The following ASRGL1 variants were observed in gnomAD, a reference collection of about 807,000 sequenced individuals.
The protein encoded by ASRGL1 is isoaspartyl peptidase/L-asparaginase.
Under a neutral mutation model 22.4 loss-of-function variants are expected in ASRGL1, and 16 were observed. The observed-to-expected ratio is 0.71, with a 90% CI of 0.48 to 1.08. The LOEUF is 1.08. Ranked by LOEUF, ASRGL1 falls within the 50% of genes least tolerant of loss-of-function variation. The pLI, the probability that ASRGL1 is intolerant of heterozygous loss-of-function variation, is 0.00. For missense variants in ASRGL1, 412 were observed against 410.1 expected (o/e 1.00, Z -0.04); for synonymous variants, 165 against 159.3 (o/e 1.04, Z -0.27).
intron 2 of ASRGL1, among the ~76,000 whole-genome samples, chr11:62,355,733 A>G (rs974569131): frequency 6.6e-6 from 1 of 151,900 alleles, no homozygotes; most frequent in African/African-American, 2.4e-5. Context: ...CAAGTGAACA[A>G]AGGTCTCTGG....
chr11:62,349,221 C>T (rs1292856065), intron 2 of ASRGL1, among the ~76,000 whole-genome samples: 1 of 152,216 alleles, frequency 6.6e-6, no homozygotes, highest in Non-Finnish European at 1.5e-5. Context: ...CTCACCTCAG[C>T]CTCCCAGAGT....
rs185863396 is a variant in ASRGL1 at position 62,343,103 on chromosome 11, C to G, written c.190+4936C>G. On this transcript the variant is annotated intron_variant, in intron 2 of 6. Transcript: ENST00000415229. ...ACTTCAGTAGAAACTACTGGCCGGG[C>G]GCGGTGGCTCACTCCTATAATCCCA... is the stretch of plus-strand genomic sequence containing the variant. 3.1e-3 allele frequency among the ~76,000 whole-genome samples: 468 copies of G among 152,092 alleles called. 2 individuals carry two copies. Among genetic ancestry groups the G allele is most frequent in the African/African-American group, 0.01 (433 of 41,502 alleles).
At position 62,389,136 on chromosome 11, in the gene ASRGL1, C is replaced by T. The variant is rs3741244; in HGVS notation, c.495C>T (p.Asn165=). ...TTTTTCTGTTTATTTTTGGCAGAAA[C>T]TTGGGAACCGTGGGTGCTGTTGCCT... is the stretch of plus-strand genomic sequence containing the variant. The part of the protein sequence containing the change: ...KGAQKTDCQK[N]LGTVGAVALD... Residue 165 remains asparagine, a synonymous_variant, in exon 5 of 7, where the codon AAC becomes AAT. Transcript: ENST00000415229. The T allele has an allele frequency of 5.6e-3, 8,944 of 1,607,136 alleles. 517 individuals are homozygous for T. In the East Asian group the frequency reaches 0.14, roughly 25 times the overall value.
rs1204514353 is a variant in ASRGL1 at position 62,371,356 on chromosome 11, G to T, written c.491+14212G>T. ...GGGCAAGCGCGCGGCGCAGCCTGTG[G>T]CAGCAGGCAAGGTGGGCGGTGCGGC... On this transcript the variant is annotated intron_variant, in intron 4 of 6. Coordinates refer to ENST00000415229, the MANE Select transcript of ASRGL1 (RefSeq NM_001083926.2). 3.3e-5 allele frequency: 30 copies of T among 907,492 alleles called. No individual in the cohort carries two copies. In the Admixed American group the frequency reaches 9.5e-4, roughly 29 times the overall value. 56.2% of individuals were successfully genotyped at this position (907,492 alleles called of 1,614,324 possible). A position where few individuals can be genotyped will look rare whatever the true frequency, so the allele number is the denominator to read the frequency against.
chr11:62,358,757 A>G (rs562137268), intron 4 of ASRGL1, among the ~76,000 whole-genome samples: 294 of 152,292 alleles, frequency 1.9e-3, no homozygotes, highest in Middle Eastern at 0.01. Flanking sequence ...GGAAATCTCC[A>G]CATCCGTTGC....
chr11:62,396,772 ATT>A (rs11351188), downstream of ASRGL1, among the ~76,000 whole-genome samples: 514 of 149,674 alleles, frequency 3.4e-3, 4 homozygotes, highest in East Asian at 0.011. Context: ...GCCTGGGGTG[ATT>A]TTTTTTTTTT....
intron 4 of ASRGL1, among the ~76,000 whole-genome samples, chr11:62,369,773 G>A (rs12279819): frequency 0.1 from 15,725 of 152,018 alleles, 883 homozygotes; most frequent in Non-Finnish European, 0.12. Flanking sequence ...TGTGGGTGGC[G>A]TCTAACCATG....
downstream of ASRGL1, among the ~76,000 whole-genome samples, chr11:62,394,611 G>A (rs560801149): frequency 3.3e-5 from 5 of 152,100 alleles, no homozygotes; most frequent in South Asian, 1.0e-3. Flanking sequence ...GAAGGAGGGA[G>A]CTGGGGGATA....
chr11:62,361,773 A>G (rs991633113), intron 4 of ASRGL1, among the ~76,000 whole-genome samples: 5 of 152,108 alleles, frequency 3.3e-5, no homozygotes, highest in African/African-American at 9.7e-5. Flanking sequence ...GGCGTGAGCC[A>G]CTGTGCCCAG....
intron 4 of ASRGL1, 147 bp downstream of exon 4, chr11:62,357,291 C>T (rs965135085): frequency 2.6e-5 from 25 of 963,862 alleles, no homozygotes; most frequent in Non-Finnish European, 2.9e-5. Flanking sequence ...TCTCTGTTGC[C>T]CAGACTGGAG....
intron 4 of ASRGL1, among the ~76,000 whole-genome samples, chr11:62,365,573 G>A (rs1485915132): frequency 3.3e-5 from 5 of 151,918 alleles, no homozygotes; most frequent in Non-Finnish European, 7.4e-5. Context: ...AAAAAGGCTG[G>A]GTGCGGTGGC....
At chr11:62,338,250 G>T in intron 2 of ASRGL1, 83 bp downstream of exon 2, 1 of 1,315,250 alleles carries the variant, frequency 7.6e-7, no homozygotes, top group Non-Finnish European at 1.0e-6. Flanking sequence ...ATAGTGTTAG[G>T]GAATCTAATG....
chr11:62,358,080 T>A (rs1432481280), intron 4 of ASRGL1, among the ~76,000 whole-genome samples: 1 of 152,168 alleles, frequency 6.6e-6, no homozygotes, highest in Admixed American at 6.5e-5. Context: ...TTTAAAAGAT[T>A]GGCCTTGGCC....
rs763830407 is a variant in ASRGL1, at chr11:62,389,180, T to A, written c.539T>A (p.Val180Glu). ...GTTGCCTTGGACTGCAAAGGGAATG[T>A]AGCCTACGCAACCTCCACAGGCGGT... Reference protein sequence around the residue: ...GAVALDCKGNVAYATSTGGIV... With the variant: ...GAVALDCKGNEAYATSTGGIV... The change falls in exon 5 of 7, where the codon GTA (valine) becomes GAA (glutamate). Residue 180 changes from valine to glutamate, a missense_variant. By Grantham distance (121) the Val-to-Glu change is moderately radical. Coordinates refer to ENST00000415229, the MANE Select transcript of ASRGL1 (RefSeq NM_001083926.2). 6.2e-7 allele frequency: 1 copy of A among 1,614,180 alleles called. No individual in the cohort carries two copies. Among genetic ancestry groups the A allele is most frequent in the South Asian group, 1.1e-5 (1 of 91,082 alleles).
At chr11:62,375,755 G>GCC in intron 4 of ASRGL1, among the ~76,000 whole-genome samples, 1 of 151,768 alleles carries the variant, frequency 6.6e-6, no homozygotes, top group South Asian at 2.1e-4. Context: ...AGGCCCAGTG[G>GCC]TATAATTAGC....
chr11:62,389,179 G>A lies in ASRGL1; in HGVS notation c.538G>A (p.Val180Ile), dbSNP rs1194185457. The A allele has an allele frequency of 6.2e-7, 1 of 1,614,174 alleles. No homozygotes were observed. The highest frequency in any genetic ancestry group is 1.7e-5 in the Admixed American group (1 of 60,014). The part of the protein sequence containing the change: ...GAVALDCKGN[V>I]AYATSTGGIV... ...TGTTGCCTTGGACTGCAAAGGGAAT[G>A]TAGCCTACGCAACCTCCACAGGCGG... The change falls in exon 5 of 7, where the codon GTA (valine) becomes ATA (isoleucine). Residue 180 changes from valine to isoleucine, a missense_variant. Physicochemically the swap from Val to Ile is conservative, Grantham distance 29. Coordinates refer to ENST00000415229, the MANE Select transcript of ASRGL1 (RefSeq NM_001083926.2).
chr11:62,385,681 ATGG>A (rs1947183916), intron 4 of ASRGL1, among the ~76,000 whole-genome samples: 1 of 150,596 alleles, frequency 6.6e-6, no homozygotes, highest in South Asian at 2.1e-4. Flanking sequence ...CCTGACCAAC[ATGG>A]TGAAACCCCG....
chr11:62,344,995 T>C (rs574904018), intron 2 of ASRGL1, among the ~76,000 whole-genome samples: 3 of 152,330 alleles, frequency 2.0e-5, no homozygotes, highest in African/African-American at 7.2e-5. Flanking sequence ...GCCTGACTTA[T>C]TTCACTTACC....
chr11:62,353,890 T>C (rs1165625295), intron 2 of ASRGL1, among the ~76,000 whole-genome samples: 4 of 152,204 alleles, frequency 2.6e-5, no homozygotes, highest in African/African-American at 9.6e-5. Context: ...TATTGCCAGA[T>C]GGAAAAGATG....
Sources: allele counts gnomAD v4.1 joint callset (sites outside exome capture counted in the v4.1 genomes callset), GRCh38; gene constraint gnomAD v4.1.1; transcripts MANE v1.5; gene names NCBI Gene and HGNC (gene_info 2026-07-23, HGNC 2026-07-21).